Variants in RBMS3 observed in about 807,000 individuals in gnomAD.
The protein encoded by RBMS3 is RNA binding motif single stranded interacting protein 3.
Under a neutral mutation model 66.8 loss-of-function variants are expected in RBMS3, and 27 were observed. The ratio of observed to expected loss-of-function variants is 0.40; its 90% CI spans 0.30 to 0.56. The LOEUF is 0.56. Ranked by LOEUF, RBMS3 falls within the 20% of genes least tolerant of loss-of-function variation. The probability of loss-of-function intolerance (pLI) is 0.40; values close to 1 mark genes in which losing one functional copy is unlikely to be tolerated. For missense variants in RBMS3, 513 were observed against 549.5 expected, an observed-to-expected ratio of 0.93 and a Z score of 0.66; for synonymous variants, 188 against 183.0, an observed-to-expected ratio of 1.03 and a Z score of -0.22.
chr3:29,554,271 A>T (rs945333879), intron 3 of RBMS3, among the ~76,000 whole-genome samples: 2 of 152,222 alleles, frequency 1.3e-5, no homozygotes, highest in African/African-American at 4.8e-5. Context: ...CAATGAATTG[A>T]TGTGCTATCT....
In RBMS3 at chr3:30,008,534, T is replaced by A. The variant is rs1699867739; in HGVS notation, c.*4672T>A. 1 of 152,124 alleles carries A rather than the reference T, an allele frequency of 6.6e-6. No individual in the cohort carries two copies. Among genetic ancestry groups the A allele is most frequent in the Non-Finnish European group, 1.5e-5 (1 of 67,978 alleles). The allele number at this position is 152,124 out of a possible 1,614,324, so 9.4% of individuals were successfully genotyped here. On this transcript the variant is annotated 3_prime_UTR_variant, in exon 15 of 15. Coordinates refer to ENST00000383767, the MANE Select transcript of RBMS3 (RefSeq NM_001003793.3). Reference sequence around the variant, plus strand: ...GTAAAAAGTGAAGGATGAGATTTTGTCTTTCATGTTATTGTAGCTGGCATG... The same window carrying A: ...GTAAAAAGTGAAGGATGAGATTTTGACTTTCATGTTATTGTAGCTGGCATG...
intron 3 of RBMS3, among the ~76,000 whole-genome samples, chr3:29,524,201 G>A (rs140461553): frequency 1.8e-4 from 27 of 151,464 alleles, no homozygotes; most frequent in Admixed American, 1.0e-3. Context: ...CCAGTAAGTC[G>A]CAGAAAGGGG....
intron 4 of RBMS3, chr3:29,614,284 G>A (rs924528550): frequency 9.9e-5 from 15 of 152,240 alleles, no homozygotes; most frequent in African/African-American, 3.6e-4. Flanking sequence ...AGAGCAGAGA[G>A]TAGAATGATG....
At chr3:29,378,296 C>A (rs2038581433) in intron 1 of RBMS3, among the ~76,000 whole-genome samples, 1 of 152,044 alleles carries the variant, frequency 6.6e-6, no homozygotes, top group East Asian at 1.9e-4. Flanking sequence ...TGCAGTGAAA[C>A]CCCGTTTCTA....
At chr3:29,556,332 G>T (rs182901170) in intron 3 of RBMS3, 2 of 152,304 alleles carry the variant, frequency 1.3e-5, no homozygotes, top group Non-Finnish European at 2.9e-5. Context: ...AGCCGGGCGC[G>T]GTGGCTCACG....
At chr3:29,684,582 G>A (rs2051633254) in intron 4 of RBMS3, among the ~76,000 whole-genome samples, 1 of 152,006 alleles carries the variant, frequency 6.6e-6, no homozygotes, top group Admixed American at 6.6e-5. Flanking sequence ...TGAAAGCATT[G>A]TTTTGTTAGT....
At chr3:29,377,084 T>C (rs1401982076) in intron 1 of RBMS3, among the ~76,000 whole-genome samples, 1 of 150,326 alleles carries the variant, frequency 6.7e-6, no homozygotes, top group Non-Finnish European at 1.5e-5. Flanking sequence ...AGCAAAACTC[T>C]GTCTCAGAAA....
At position 29,899,739 on chromosome 3, in the gene RBMS3, A is replaced by G. The variant is rs757255725; in HGVS notation, c.923A>G (p.Tyr308Cys). 1.9e-6 allele frequency: 3 copies of G among 1,610,296 alleles called. No homozygotes were observed. In the South Asian group the frequency reaches 3.3e-5, roughly 18 times the overall value. Residue 308 changes from tyrosine to cysteine, a missense_variant, in exon 10 of 15, where the codon TAC (tyrosine) becomes TGC (cysteine). Tyr to Cys is a radical substitution (Grantham distance 194). Coordinates refer to ENST00000383767, the MANE Select transcript of RBMS3 (RefSeq NM_001003793.3). ...ACTTCATGGATGCCTCATCCGCCAT[A>G]CGTTATGCAACCAACAGTAAGTGTT... Reference protein sequence around the residue: ...QSTSWMPHPPYVMQPTGAVIT... With the variant: ...QSTSWMPHPPCVMQPTGAVIT...
At chr3:29,480,855 TGATA>T (rs2043104877) in intron 2 of RBMS3, among the ~76,000 whole-genome samples, 1 of 151,952 alleles carries the variant, frequency 6.6e-6, no homozygotes, top group Non-Finnish European at 1.5e-5. Context: ...GAAATATAGG[TGATA>T]GATAGGGGAA....
intron 4 of RBMS3, among the ~76,000 whole-genome samples, chr3:29,714,044 G>A (rs1410403329): frequency 1.3e-5 from 2 of 152,078 alleles, no homozygotes; most frequent in African/African-American, 2.4e-5. Context: ...AACAGAGGGC[G>A]ACTCTGTCTC....
intron 1 of RBMS3, among the ~76,000 whole-genome samples, chr3:29,298,323 C>T (rs2125440572): frequency 6.6e-6 from 1 of 152,026 alleles, no homozygotes; most frequent in East Asian, 1.9e-4. Context: ...GAATCCTCCA[C>T]TTCATCTTTC....
chr3:29,881,190 C>T (rs1249662733), intron 7 of RBMS3, among the ~76,000 whole-genome samples: 11 of 152,072 alleles, frequency 7.2e-5, no homozygotes, highest in Admixed American at 5.9e-4. Context: ...CTTGACCTCT[C>T]ATCTCCATCT....
intron 4 of RBMS3, among the ~76,000 whole-genome samples, chr3:29,680,025 C>T (rs2051423140): frequency 6.6e-6 from 1 of 152,074 alleles, no homozygotes; most frequent in Admixed American, 6.6e-5. Flanking sequence ...TTGCCTCTTC[C>T]ATTCTGCCAG....
intron 4 of RBMS3, among the ~76,000 whole-genome samples, chr3:29,733,144 TA>T (rs1201769791): frequency 6.6e-6 from 1 of 152,146 alleles, no homozygotes; most frequent in Non-Finnish European, 1.5e-5. Context: ...TCAATGTTTT[TA>T]AAAAATATCT....
chr3:29,373,346 G>T (rs2038305305), intron 1 of RBMS3, among the ~76,000 whole-genome samples: 1 of 152,168 alleles, frequency 6.6e-6, no homozygotes, highest in African/African-American at 2.4e-5. Flanking sequence ...CCCCCTAAAA[G>T]AAATTTTGGC....
chr3:29,588,444 T>G (rs1169879915), intron 4 of RBMS3, among the ~76,000 whole-genome samples: 2 of 152,100 alleles, frequency 1.3e-5, no homozygotes, highest in African/African-American at 4.8e-5. Context: ...TAACATTATT[T>G]GATAACATTT....
chr3:29,486,579 CT>C (rs1256827074), intron 2 of RBMS3, among the ~76,000 whole-genome samples: 1 of 152,104 alleles, frequency 6.6e-6, no homozygotes, highest in Non-Finnish European at 1.5e-5. Flanking sequence ...AAAAAAGTTA[CT>C]TGTCAAAATA....
intron 3 of RBMS3, among the ~76,000 whole-genome samples, chr3:29,502,913 C>A (rs1431557091): frequency 6.6e-6 from 1 of 152,096 alleles, no homozygotes; most frequent in Non-Finnish European, 1.5e-5. Context: ...CGTTTCAGAG[C>A]AAATGCTCTC....
chr3:29,809,481 C>CAAT (rs1348173560), intron 6 of RBMS3, among the ~76,000 whole-genome samples: 10 of 152,040 alleles, frequency 6.6e-5, no homozygotes, highest in African/African-American at 2.4e-4. Context: ...TTAGGTGAGA[C>CAAT]AATAAATCAC....
Sources: allele counts gnomAD v4.1 joint callset (sites outside exome capture counted in the v4.1 genomes callset), GRCh38; gene constraint gnomAD v4.1.1; transcripts MANE v1.5; gene names NCBI Gene and HGNC (gene_info 2026-07-23, HGNC 2026-07-21).